The following PRKCA variants were observed in gnomAD, a reference collection of about 807,000 sequenced individuals.
PRKCA encodes protein kinase C alpha type.
Under a neutral mutation model 87.0 loss-of-function variants are expected in PRKCA, and 27 were observed. That is an observed-to-expected ratio of 0.31 (90% CI 0.23 to 0.43). PRKCA has a LOEUF of 0.43. Ranked by LOEUF, PRKCA falls within the 20% of genes least tolerant of loss-of-function variation. The probability of loss-of-function intolerance (pLI) is 1.00; values close to 1 mark genes in which losing one functional copy is unlikely to be tolerated. For synonymous variants in PRKCA, 329 were observed against 311.1 expected (o/e 1.06, Z -0.61); for missense variants, 518 against 852.3 (o/e 0.61, Z 4.88).
At chr17:66,354,367 A>C (rs754595515) in intron 2 of PRKCA, among the ~76,000 whole-genome samples, 1 of 152,254 alleles carries the variant, frequency 6.6e-6, no homozygotes, top group Non-Finnish European at 1.5e-5. Flanking sequence ...TCACCTCTGC[A>C]TACAGGATGC....
intron 3 of PRKCA, among the ~76,000 whole-genome samples, chr17:66,609,531 C>CCA (rs940104866): frequency 2.0e-5 from 3 of 152,144 alleles, no homozygotes; most frequent in African/African-American, 7.2e-5. Context: ...AAGCTCTTTA[C>CCA]CACAGTGTAT....
intron 13 of PRKCA, among the ~76,000 whole-genome samples, chr17:66,758,406 T>G (rs748323064): frequency 6.6e-6 from 1 of 152,188 alleles, no homozygotes; most frequent in Non-Finnish European, 1.5e-5. Flanking sequence ...GGTGAGCACT[T>G]CATCCTGAAG....
intron 16 of PRKCA, among the ~76,000 whole-genome samples, chr17:66,795,846 C>A (rs1276445962): frequency 6.6e-6 from 1 of 152,190 alleles, no homozygotes; most frequent in African/African-American, 2.4e-5. Context: ...GATTACAGCC[C>A]ATGATAAGCC....
intron 2 of PRKCA, among the ~76,000 whole-genome samples, chr17:66,336,392 A>G (rs1454317591): frequency 6.6e-6 from 1 of 152,208 alleles, no homozygotes; most frequent in Non-Finnish European, 1.5e-5. Flanking sequence ...TAAGGACGTG[A>G]TGTTTAAGCC....
intron 5 of PRKCA, among the ~76,000 whole-genome samples, chr17:66,647,594 G>A (rs986275979): frequency 2.0e-5 from 3 of 152,196 alleles, no homozygotes; most frequent in Admixed American, 6.5e-5. Flanking sequence ...AACCTCAAGA[G>A]CCTTGCAGAT....
At chr17:66,361,203 A>G (rs1908368423) in intron 2 of PRKCA, among the ~76,000 whole-genome samples, 1 of 152,170 alleles carries the variant, frequency 6.6e-6, no homozygotes, top group South Asian at 2.1e-4. Flanking sequence ...CAACCAAACC[A>G]AATGTCAATA....
chr17:66,337,921 A>T (rs1465866237), intron 2 of PRKCA, among the ~76,000 whole-genome samples: 1 of 146,946 alleles, frequency 6.8e-6, no homozygotes, highest in Non-Finnish European at 1.5e-5. Flanking sequence ...AAAGCCAATT[A>T]AAAAAAAAAC....
intron 8 of PRKCA, chr17:66,696,550 T>C (rs1972927399): frequency 6.6e-6 from 1 of 152,214 alleles, no homozygotes; most frequent in South Asian, 2.1e-4. Flanking sequence ...GCTAATTATA[T>C]GAAATAGACA....
intron 5 of PRKCA, among the ~76,000 whole-genome samples, chr17:66,662,185 G>C (rs1188398074): frequency 6.6e-6 from 1 of 152,120 alleles, no homozygotes; most frequent in Non-Finnish European, 1.5e-5. Flanking sequence ...CTCCTGCTTG[G>C]TTTGTAAACC....
chr17:66,551,363 TG>T (rs1473469360), intron 3 of PRKCA, among the ~76,000 whole-genome samples: 1 of 152,248 alleles, frequency 6.6e-6, no homozygotes, highest in Non-Finnish European at 1.5e-5. Context: ...AATCAAGGTA[TG>T]GGCTGGGGCT....
chr17:66,505,422 T>G (rs1916934759), intron 3 of PRKCA, among the ~76,000 whole-genome samples: 1 of 152,170 alleles, frequency 6.6e-6, no homozygotes. Flanking sequence ...ATGCTCCCAT[T>G]TTCACCAGTG....
chr17:66,771,043 G>A (rs1225268826), intron 13 of PRKCA, among the ~76,000 whole-genome samples: 6 of 147,076 alleles, frequency 4.1e-5, no homozygotes, highest in South Asian at 2.1e-4. Context: ...TCACTCTGTC[G>A]CCCAGGCTGG....
chr17:66,556,010 A>C (rs532563141), intron 3 of PRKCA, among the ~76,000 whole-genome samples: 1 of 152,172 alleles, frequency 6.6e-6, no homozygotes, highest in Non-Finnish European at 1.5e-5. Context: ...TTTTAAAGAA[A>C]GATGCTCTGT....
chr17:66,493,127 G>T (rs1044851891), intron 2 of PRKCA, among the ~76,000 whole-genome samples: 1 of 152,046 alleles, frequency 6.6e-6, no homozygotes. Context: ...CAGTGACATG[G>T]TATCATGAGT....
Position 66,792,942 on chromosome 17 carries a change from T to C in PRKCA, c.1854+3963T>C, listed in dbSNP as rs1975575860. On this transcript the variant is annotated intron_variant, in intron 16 of 16. Transcript: ENST00000413366. This position sits in a 1 kb window ranked among gnomAD's most constrained non-coding sequence, Gnocchi z 4.5. Reference sequence around the variant, plus strand: ...GAGTCCTGTCCTGGACAGAGCCATGTCTGTCCCTAAAAAGCTACCATGTGC... The same window carrying C: ...GAGTCCTGTCCTGGACAGAGCCATGCCTGTCCCTAAAAAGCTACCATGTGC... Among the ~76,000 whole-genome samples, 1 of 152,182 alleles carries C rather than the reference T, an allele frequency of 6.6e-6. No individual in the cohort carries two copies. The highest frequency in any genetic ancestry group is 6.5e-5 in the Admixed American group (1 of 15,288).
rs1904792200 is a variant in PRKCA, at chr17:66,305,957, G to A, written c.174-139G>A. 7 of 771,058 alleles carry A rather than the reference G, an allele frequency of 9.1e-6. No individual in the cohort carries two copies. The East Asian group carries it at 1.9e-4, about 21-fold the overall frequency. The allele number at this position is 771,058 out of a possible 1,614,324, so 47.8% of individuals were successfully genotyped here. On this transcript the variant is annotated intron_variant, in intron 1 of 16. Coordinates refer to ENST00000413366, the MANE Select transcript of PRKCA (RefSeq NM_002737.3). ...ACACAGTAATCTGACTAGATATTTA[G>A]GTATGTTTTTTTCTATTAAATCATT...
chr17:66,737,368 G>GA (rs1263095642), intron 10 of PRKCA, among the ~76,000 whole-genome samples: 8 of 151,570 alleles, frequency 5.3e-5, no homozygotes, highest in Non-Finnish European at 8.8e-5. Flanking sequence ...GTCTTAAAAA[G>GA]AAAAAAAAGA....
intron 2 of PRKCA, among the ~76,000 whole-genome samples, chr17:66,379,338 G>T (rs1419913352): frequency 1.3e-5 from 2 of 152,158 alleles, no homozygotes; most frequent in Non-Finnish European, 2.9e-5. Flanking sequence ...TTTTTATTTA[G>T]TCAGCCTGGT....
At chr17:66,534,622 A>C (rs1303126758) in intron 3 of PRKCA, among the ~76,000 whole-genome samples, 2 of 152,112 alleles carry the variant, frequency 1.3e-5, no homozygotes, top group African/African-American at 4.8e-5. Context: ...AGCCGAGATC[A>C]CGCCACTGCA....
Sources: gnomAD v4.1 joint callset for allele counts (sites outside exome capture counted in the v4.1 genomes callset) on GRCh38, gnomAD v4.1.1 for gene constraint, Gnocchi (gnomAD v3.1) non-coding constraint, MANE v1.5 for transcripts, NCBI Gene and HGNC (gene_info 2026-07-23, HGNC 2026-07-21) for gene names.